RAB38: variants seen among roughly 807,000 people sequenced by gnomAD.
RAB38 encodes ras-related protein Rab-38.
In RAB38, 15 loss-of-function variants were observed where a neutral mutation model predicts 18.4. The ratio of observed to expected loss-of-function variants is 0.82; its 90% CI spans 0.55 to 1.26. The LOEUF is 1.26. Among genes scored for constraint, RAB38 ranks in the 50% most tolerant of loss-of-function variants. The pLI, the probability that RAB38 is intolerant of heterozygous loss-of-function variation, is 0.00. For synonymous variants in RAB38, 101 were observed against 104.4 expected (o/e 0.97, Z 0.20); for missense variants, 294 against 267.4 (o/e 1.10, Z -0.69).
the RAB38 span, among the ~76,000 whole-genome samples, chr11:87,945,481 T>G: frequency 1.3e-5 from 2 of 152,004 alleles, no homozygotes; most frequent in Non-Finnish European, 2.9e-5. Flanking sequence ...GGGTTGTCAG[T>G]GGGTTGGAAG....
At chr11:88,080,199 G>C in the RAB38 span, among the ~76,000 whole-genome samples, 1 of 151,450 alleles carries the variant, frequency 6.6e-6, no homozygotes, top group African/African-American at 2.4e-5. Context: ...CAGTGTTTCA[G>C]GATACAAGGT....
chr11:87,913,266 G>A, the RAB38 span, among the ~76,000 whole-genome samples: 1 of 151,844 alleles, frequency 6.6e-6, no homozygotes, highest in Non-Finnish European at 1.5e-5. Flanking sequence ...CAGATTTTCT[G>A]TCTACTTTTT....
the RAB38 span, among the ~76,000 whole-genome samples, chr11:88,041,262 T>G: frequency 6.6e-6 from 1 of 152,220 alleles, no homozygotes; most frequent in Non-Finnish European, 1.5e-5. Context: ...CTCACCTGCG[T>G]TTTCAGTCCC....
the RAB38 span, among the ~76,000 whole-genome samples, chr11:88,098,965 TAAG>T: frequency 6.6e-6 from 1 of 152,084 alleles, no homozygotes; most frequent in African/African-American, 2.4e-5. Flanking sequence ...TATTTTTTAG[TAAG>T]AAAAGCAGAT....
intron 2 of RAB38, among the ~76,000 whole-genome samples, chr11:88,116,039 C>T (rs1942546871): frequency 6.6e-6 from 1 of 152,176 alleles, no homozygotes. Flanking sequence ...CTTCCTGTGC[C>T]TTAAAGTCAT....
chr11:88,005,820 A>C, the RAB38 span, among the ~76,000 whole-genome samples: 2 of 151,432 alleles, frequency 1.3e-5, no homozygotes, highest in Non-Finnish European at 3.0e-5. Flanking sequence ...CTGTATGTGA[A>C]TATCCAGTTT....
At chr11:88,131,934 C>G (rs1297019852) in intron 2 of RAB38, among the ~76,000 whole-genome samples, 1 of 152,168 alleles carries the variant, frequency 6.6e-6, no homozygotes, top group Non-Finnish European at 1.5e-5. Flanking sequence ...TCAGATCAGC[C>G]TCTAGGAGCT....
intron 1 of RAB38, among the ~76,000 whole-genome samples, chr11:88,168,932 C>T (rs1251665650): frequency 6.6e-6 from 1 of 152,098 alleles, no homozygotes; most frequent in Admixed American, 6.6e-5. Context: ...ATTCTCATCC[C>T]CTCCATTGTT....
the RAB38 span, among the ~76,000 whole-genome samples, chr11:87,850,690 G>GA: frequency 6.7e-5 from 10 of 149,556 alleles, no homozygotes; most frequent in Middle Eastern, 3.4e-3. Context: ...TTAGCTTTTG[G>GA]GGGGATCCAA....
the RAB38 span, among the ~76,000 whole-genome samples, chr11:87,883,245 C>G: frequency 0.013 from 1,974 of 151,926 alleles, 30 homozygotes; most frequent in African/African-American, 0.045. Context: ...CAACTGTTGC[C>G]TTGGAAATTT....
rs114647685 is a variant in RAB38 at position 88,118,300 on chromosome 11, A to G, written c.484-4160T>C. On this transcript the variant is annotated intron_variant, in intron 2 of 2. Transcript: ENST00000243662. ...GGTCTTTCTGACTTTCTATATACCA[A>G]TCAGGTCATGGCCAAAGGGCCTAGG... Among the ~76,000 whole-genome samples, 1,019 of 152,298 alleles carry G rather than the reference A, an allele frequency of 6.7e-3. 9 individuals carry two copies. Among genetic ancestry groups the G allele is most frequent in the African/African-American group, 0.023 (938 of 41,556 alleles).
chr11:88,003,875 T>TA, the RAB38 span, among the ~76,000 whole-genome samples: 3 of 2,064 alleles, frequency 1.5e-3, no homozygotes, highest in Non-Finnish European at 1.3e-3. Context: ...TAATTATATA[T>TA]TTATATATAT....
the RAB38 span, among the ~76,000 whole-genome samples, chr11:87,945,504 A>C: frequency 6.6e-6 from 1 of 152,252 alleles, no homozygotes; most frequent in African/African-American, 2.4e-5. Context: ...TAGAAAACAG[A>C]GTAAAAGAGA....
chr11:87,807,274 A>T, the RAB38 span, among the ~76,000 whole-genome samples: 2 of 152,180 alleles, frequency 1.3e-5, no homozygotes, highest in Non-Finnish European at 2.9e-5. Context: ...CAAAACTCCA[A>T]AATGCTAATA....
chr11:87,946,637 G>T, the RAB38 span, among the ~76,000 whole-genome samples: 1 of 152,010 alleles, frequency 6.6e-6, no homozygotes, highest in East Asian at 1.9e-4. Context: ...GAGAACATGT[G>T]GTGTTTGGTT....
chr11:87,892,147 A>G, the RAB38 span, among the ~76,000 whole-genome samples: 1 of 151,816 alleles, frequency 6.6e-6, no homozygotes, highest in Non-Finnish European at 1.5e-5. Flanking sequence ...TGACAGCCCT[A>G]TTAGCCCATG....
the RAB38 span, among the ~76,000 whole-genome samples, chr11:87,842,939 G>T: frequency 6.6e-6 from 1 of 152,184 alleles, no homozygotes; most frequent in African/African-American, 2.4e-5. Context: ...AATTGGCCAG[G>T]TTGGGCTTTG....
chr11:87,921,413 T>G, the RAB38 span, among the ~76,000 whole-genome samples: 3 of 151,738 alleles, frequency 2.0e-5, no homozygotes, highest in Non-Finnish European at 2.9e-5. Context: ...CTTATATGAG[T>G]GTTCTGAGCA....
chr11:88,011,626 G>A, the RAB38 span, among the ~76,000 whole-genome samples: 5,079 of 152,252 alleles, frequency 0.033, 226 homozygotes, highest in South Asian at 0.074. Context: ...TGAGAATGCA[G>A]CAGGGCTCAT....
Sources: allele counts gnomAD v4.1 joint callset (sites outside exome capture counted in the v4.1 genomes callset), GRCh38; gene constraint gnomAD v4.1.1; transcripts MANE v1.5; gene names NCBI Gene and HGNC (gene_info 2026-07-23, HGNC 2026-07-21).